SIPA1L2: variants seen among roughly 807,000 people sequenced by gnomAD.
The protein encoded by SIPA1L2 is signal-induced proliferation-associated 1-like protein 2.
In SIPA1L2, 56 loss-of-function variants were observed where a neutral mutation model predicts 163.9. The observed-to-expected ratio is 0.34, with a 90% confidence interval of 0.28 to 0.43. The LOEUF is 0.43. Ranked by LOEUF, SIPA1L2 falls within the 20% of genes least tolerant of loss-of-function variation. The pLI, the probability that SIPA1L2 is intolerant of heterozygous loss-of-function variation, is 1.00. For synonymous variants in SIPA1L2, 877 were observed against 865.7 expected, an observed-to-expected ratio of 1.01 and a Z score of -0.23; for missense variants, 1,974 against 2,193.5, an observed-to-expected ratio of 0.90 and a Z score of 2.00.
chr1:232,528,300 C>A (rs931419632), intron 2 of SIPA1L2, among the ~76,000 whole-genome samples: 1 of 151,938 alleles, frequency 6.6e-6, no homozygotes, highest in Admixed American at 6.6e-5. Context: ...AGGAAAAAGT[C>A]TTAGGGCAGG....
chr1:232,462,135 G>A lies in SIPA1L2; in HGVS notation c.2821-974C>T, dbSNP rs1664270936. The stretch of plus-strand genomic sequence containing the variant: ...AAAGGAACATGAAAGAAGAATGGTG[G>A]ATTGCATCCCACTTGGTACATTAAA... On this transcript the variant is annotated intron_variant, in intron 9 of 22. Coordinates refer to ENST00000674635, the MANE Select transcript of SIPA1L2 (RefSeq NM_020808.5). 22 of 1,177,304 alleles carry A rather than the reference G, an allele frequency of 1.9e-5. No individual in the cohort carries two copies. The East Asian group carries it at 5.3e-4, about 29-fold the overall frequency. 72.9% of individuals were successfully genotyped at this position (1,177,304 alleles called of 1,614,324 possible). A position where few individuals can be genotyped will look rare whatever the true frequency, so the allele number is the denominator to read the frequency against.
At position 232,465,047 on chromosome 1, in the gene SIPA1L2, T is replaced by C. The variant is rs79518144; in HGVS notation, c.2613A>G (p.Glu871=). 8.8e-4 allele frequency: 1,421 copies of C among 1,614,176 alleles called. 14 individuals are homozygous for C. The African/African-American group carries it at 0.017, about 19-fold the overall frequency. The change falls in exon 9 of 23, where the codon GAA becomes GAG. Residue 871 remains glutamate, a synonymous_variant. Transcript: ENST00000674635. This position sits in a 1 kb window ranked among gnomAD's most constrained non-coding sequence, Gnocchi z 4.1. ...ACTCATTGGAGATCCCGAGAAGACA[T>C]TCAATGTCAGCAGACTGGCCGAAGT... ...ARDFGQSADI[E]CLLGISNEFI...
chr1:232,439,716 G>A (rs1040861406), intron 14 of SIPA1L2, among the ~76,000 whole-genome samples: 2 of 152,180 alleles, frequency 1.3e-5, no homozygotes, highest in African/African-American at 2.4e-5. Context: ...AGTTAAATGG[G>A]TATCTTTAAG....
intron 2 of SIPA1L2, among the ~76,000 whole-genome samples, chr1:232,562,600 C>G (rs2102748877): frequency 6.6e-6 from 1 of 152,290 alleles, no homozygotes; most frequent in South Asian, 2.1e-4. Context: ...TAACCTAATA[C>G]TTTTTCACCA....
At chr1:232,561,193 A>G (rs1232909085) in intron 2 of SIPA1L2, among the ~76,000 whole-genome samples, 1 of 152,246 alleles carries the variant, frequency 6.6e-6, no homozygotes, top group Non-Finnish European at 1.5e-5. Flanking sequence ...TTTTTGATTA[A>G]TGATACAAAT....
intron 7 of SIPA1L2, among the ~76,000 whole-genome samples, chr1:232,473,249 T>A (rs1021426213): frequency 6.6e-6 from 1 of 152,220 alleles, no homozygotes; most frequent in Non-Finnish European, 1.5e-5. Context: ...GAATAGTTTT[T>A]AAAAATATGC....
chr1:232,599,922 T>C (rs1022262073), intron 1 of SIPA1L2, among the ~76,000 whole-genome samples: 1 of 152,220 alleles, frequency 6.6e-6, no homozygotes, highest in African/African-American at 2.4e-5. Context: ...TTCCTGAAAG[T>C]ATGTTACCCA....
intron 18 of SIPA1L2, among the ~76,000 whole-genome samples, chr1:232,417,267 C>T (rs1289308897): frequency 6.6e-6 from 1 of 152,190 alleles, no homozygotes; most frequent in Non-Finnish European, 1.5e-5. Flanking sequence ...AGATCTCTAA[C>T]AGTTACAGCT....
chr1:232,540,714 C>T (rs1657603645), intron 2 of SIPA1L2, among the ~76,000 whole-genome samples: 1 of 151,564 alleles, frequency 6.6e-6, no homozygotes, highest in African/African-American at 2.4e-5. Flanking sequence ...AGAAAGAAAT[C>T]AGGCAAATGC....
intron 2 of SIPA1L2, among the ~76,000 whole-genome samples, chr1:232,558,891 C>A (rs1196590777): frequency 6.6e-6 from 1 of 152,210 alleles, no homozygotes; most frequent in African/African-American, 2.4e-5. Context: ...CCTCTCACCT[C>A]TCAGGGTAGA....
chr1:232,403,325 A>T, intron 21 of SIPA1L2, 123 bp downstream of exon 21: 1 of 1,274,458 alleles, frequency 7.8e-7, no homozygotes, highest in Non-Finnish European at 1.1e-6. Flanking sequence ...TGGATTCTTC[A>T]GGACTGGGAA....
chr1:232,500,112 G>A lies in SIPA1L2; in HGVS notation c.1484-6452C>T, dbSNP rs1281256298. ...CCTGCCTCAGCCTCCCTGGTTTACTGACTGTTTTAAGCCCACTGTTGAGTA... is the reference window on the plus strand; with the variant it reads ...CCTGCCTCAGCCTCCCTGGTTTACTAACTGTTTTAAGCCCACTGTTGAGTA... On this transcript the variant is annotated intron_variant, in intron 3 of 22. Coordinates refer to ENST00000674635, the MANE Select transcript of SIPA1L2 (RefSeq NM_020808.5). 1.3e-5 allele frequency among the ~76,000 whole-genome samples: 2 copies of A among 152,116 alleles called. 1 individual carries two copies. The highest frequency in any genetic ancestry group is 2.9e-5 in the Non-Finnish European group (2 of 68,026).
intron 14 of SIPA1L2, among the ~76,000 whole-genome samples, chr1:232,440,033 TTGGC>T (rs1467870197): frequency 1.3e-5 from 2 of 152,210 alleles, no homozygotes; most frequent in Non-Finnish European, 2.9e-5. Flanking sequence ...GCAGAACCAC[TTGGC>T]TGCTGCAAAG....
chr1:232,400,986 T>C (rs980864760), intron 22 of SIPA1L2, among the ~76,000 whole-genome samples: 1 of 152,190 alleles, frequency 6.6e-6, no homozygotes, highest in Non-Finnish European at 1.5e-5. Context: ...CTTACTCTTA[T>C]TTTCACTGTC....
Position 232,535,068 on chromosome 1 carries a change from C to T in SIPA1L2, c.-269-19460G>A, listed in dbSNP as rs1657218934. On this transcript the variant is annotated intron_variant, in intron 2 of 22. Coordinates refer to ENST00000674635, the MANE Select transcript of SIPA1L2 (RefSeq NM_020808.5). ...CCACTGACAACATCAGGTTTTGATC[C>T]TACAGTAATGTACAAGATACAATTC... Among the ~76,000 whole-genome samples, 3 of 152,078 alleles carry T rather than the reference C, an allele frequency of 2.0e-5. No homozygotes were observed. The South Asian group carries it at 6.2e-4, about 31-fold the overall frequency.
intron 19 of SIPA1L2, among the ~76,000 whole-genome samples, chr1:232,408,936 C>T (rs1458690781): frequency 1.3e-5 from 2 of 152,146 alleles, no homozygotes; most frequent in Non-Finnish European, 2.9e-5. Flanking sequence ...CATAATCTTG[C>T]TTCCAAAACC....
chr1:232,444,887 C>T (rs1663118929), intron 11 of SIPA1L2, among the ~76,000 whole-genome samples: 1 of 152,172 alleles, frequency 6.6e-6, no homozygotes, highest in Non-Finnish European at 1.5e-5. Flanking sequence ...CTACATGTTA[C>T]ATAAAAGTTA....
At chr1:232,603,334 G>A (rs1487915646) in intron 1 of SIPA1L2, among the ~76,000 whole-genome samples, 1 of 151,998 alleles carries the variant, frequency 6.6e-6, no homozygotes, top group East Asian at 1.9e-4. Flanking sequence ...GGCTGTGAAA[G>A]ATGCCACTTA....
At chr1:232,625,888 T>C (rs1663048996) in intron 1 of SIPA1L2, among the ~76,000 whole-genome samples, 1 of 152,158 alleles carries the variant, frequency 6.6e-6, no homozygotes, top group South Asian at 2.1e-4. Flanking sequence ...AGGATCCAAA[T>C]ATCAAAGAAG....
Sources: gnomAD v4.1 joint callset for allele counts (sites outside exome capture counted in the v4.1 genomes callset) on GRCh38, gnomAD v4.1.1 for gene constraint, Gnocchi (gnomAD v3.1) non-coding constraint, MANE v1.5 for transcripts, NCBI Gene and HGNC (gene_info 2026-07-23, HGNC 2026-07-21) for gene names.